The following CLDN10 variants were observed in gnomAD, a reference collection of about 807,000 sequenced individuals.
CLDN10 encodes claudin 10.
In CLDN10, 15 loss-of-function variants were observed where a neutral mutation model predicts 22.9. The observed-to-expected ratio is 0.65, with a 90% CI of 0.44 to 1.01. The LOEUF (loss-of-function observed/expected upper bound fraction) is 1.01. CLDN10 is among the 50% of genes least tolerant of loss of function. The probability of loss-of-function intolerance (pLI) is 0.00; values close to 1 mark genes in which losing one functional copy is unlikely to be tolerated. For missense variants in CLDN10, 247 were observed against 287.8 expected (o/e 0.86, Z 1.03); for synonymous variants, 114 against 111.4 (o/e 1.02, Z -0.15).
chr13:95,517,437 T>C (rs2043181462), intron 1 of CLDN10, among the ~76,000 whole-genome samples: 1 of 152,152 alleles, frequency 6.6e-6, no homozygotes, highest in Non-Finnish European at 1.5e-5. Context: ...GAATTAAATA[T>C]TAAAAGCTAA....
chr13:95,566,863 T>C (rs1003659520), intron 3 of CLDN10, among the ~76,000 whole-genome samples: 1 of 152,206 alleles, frequency 6.6e-6, no homozygotes, highest in Non-Finnish European at 1.5e-5. Context: ...CCCAGCATCA[T>C]TTATTAAATA....
intron 1 of CLDN10, among the ~76,000 whole-genome samples, chr13:95,520,408 T>C (rs912658366): frequency 6.6e-6 from 1 of 152,178 alleles, no homozygotes; most frequent in African/African-American, 2.4e-5. Context: ...AGTTTCACTC[T>C]TGTTGCCCAG....
In CLDN10 at chr13:95,463,285, A is replaced by AATATATATAT. The variant is rs200962205; in HGVS notation, c.214+29269_214+29278dup. Among the ~76,000 whole-genome samples the AATATATATAT allele has an allele frequency of 5.5e-3, 219 of 39,952 alleles. 2 individuals carry two copies. The highest frequency in any genetic ancestry group is 9.8e-3 in the African/African-American group (129 of 13,112). The allele number at this position is 39,952 out of a possible 152,430, so 26.2% of individuals were successfully genotyped here. On this transcript the variant is annotated intron_variant, in intron 1 of 4. Transcript: ENST00000376873. ...AGTTGAGTCAAAAGTGCAAATGCTT[A>AATATATATAT]ATATATATATATATATATATATATA...
intron 1 of CLDN10, among the ~76,000 whole-genome samples, chr13:95,491,130 T>C (rs2042868191): frequency 6.6e-6 from 1 of 152,212 alleles, no homozygotes; most frequent in African/African-American, 2.4e-5. Context: ...CCCTTTACTT[T>C]AAGTTTATGT....
intron 1 of CLDN10, among the ~76,000 whole-genome samples, chr13:95,546,754 C>T (rs772440855): frequency 6.6e-6 from 1 of 152,142 alleles, no homozygotes; most frequent in Non-Finnish European, 1.5e-5. Context: ...CCACTCCTTA[C>T]ACCTAGTCAT....
At chr13:95,498,139 A>G (rs2042947343) in intron 1 of CLDN10, among the ~76,000 whole-genome samples, 1 of 152,228 alleles carries the variant, frequency 6.6e-6, no homozygotes, top group Admixed American at 6.5e-5. Context: ...TCTGAAGGTC[A>G]GTGTGTGACC....
intron 1 of CLDN10, among the ~76,000 whole-genome samples, chr13:95,439,429 G>C (rs150719858): frequency 2.4e-4 from 36 of 151,620 alleles, no homozygotes; most frequent in Non-Finnish European, 4.9e-4. Context: ...CTGCCTCCCA[G>C]GTTAAGCGAT....
At chr13:95,540,369 G>A (rs1291730556) in intron 1 of CLDN10, among the ~76,000 whole-genome samples, 1 of 151,500 alleles carries the variant, frequency 6.6e-6, no homozygotes, top group African/African-American at 2.4e-5. Context: ...GCATGCGCCT[G>A]TAATCTCAGC....
chr13:95,536,333 C>T (rs1471090449), intron 1 of CLDN10, among the ~76,000 whole-genome samples: 1 of 152,120 alleles, frequency 6.6e-6, no homozygotes. Flanking sequence ...CCTGCAATCC[C>T]AGCTCCTCTG....
At chr13:95,522,463 A>G (rs2043233031) in intron 1 of CLDN10, among the ~76,000 whole-genome samples, 1 of 152,014 alleles carries the variant, frequency 6.6e-6, no homozygotes, top group South Asian at 2.1e-4. Flanking sequence ...CAGTCAGAAA[A>G]CATACTCTGA....
chr13:95,471,009 G>A (rs1003745746), intron 1 of CLDN10, among the ~76,000 whole-genome samples: 2 of 152,128 alleles, frequency 1.3e-5, no homozygotes, highest in African/African-American at 4.8e-5. Flanking sequence ...GGCTAGAGGG[G>A]GAAAGGAGAC....
intron 1 of CLDN10, among the ~76,000 whole-genome samples, chr13:95,434,532 T>C (rs201116164): frequency 1.0e-5 from 1 of 98,962 alleles, no homozygotes; most frequent in Non-Finnish European, 1.8e-5. Flanking sequence ...TATATATATA[T>C]GCACACGTGT....
intron 1 of CLDN10, among the ~76,000 whole-genome samples, chr13:95,540,333 TAA>T (rs2138622418): frequency 6.6e-6 from 1 of 150,430 alleles, no homozygotes; most frequent in African/African-American, 2.4e-5. Context: ...AATAAATAAA[TAA>T]ATAAATATTA....
At chr13:95,553,113 C>A (rs569809599) in intron 1 of CLDN10, 140 bp downstream of exon 1, 42 of 1,209,732 alleles carry the variant, frequency 3.5e-5, no homozygotes, top group African/African-American at 3.2e-4. Flanking sequence ...CCAACAGGGC[C>A]TTAGGGAGCC....
chr13:95,482,086 T>C (rs997823306), intron 1 of CLDN10, among the ~76,000 whole-genome samples: 2 of 152,140 alleles, frequency 1.3e-5, no homozygotes, highest in African/African-American at 4.8e-5. Context: ...TATAATTGGA[T>C]TGTTTGTAAC....
chr13:95,523,019 T>G (rs2138588005), intron 1 of CLDN10, among the ~76,000 whole-genome samples: 1 of 152,110 alleles, frequency 6.6e-6, no homozygotes, highest in South Asian at 2.1e-4. Flanking sequence ...TCTTTGCCCT[T>G]AGGAACATTT....
At chr13:95,566,576 G>T (rs560763311) in intron 3 of CLDN10, among the ~76,000 whole-genome samples, 1 of 152,272 alleles carries the variant, frequency 6.6e-6, no homozygotes, top group Non-Finnish European at 1.5e-5. Flanking sequence ...TAGGTTGCTT[G>T]TTCACTCTGA....
chr13:95,471,414 CATAT>C (rs200802586), intron 1 of CLDN10, among the ~76,000 whole-genome samples: 9 of 126,316 alleles, frequency 7.1e-5, no homozygotes, highest in Non-Finnish European at 1.0e-4. Context: ...TACACACACA[CATAT>C]ACACACACAC....
At chr13:95,474,943 A>G (rs17189693) in intron 1 of CLDN10, among the ~76,000 whole-genome samples, 13,743 of 152,106 alleles carry the variant, frequency 0.09, 910 homozygotes, top group South Asian at 0.25. Flanking sequence ...CCTGAGCCTA[A>G]TGGGATCTCA....
Sources: gnomAD v4.1 joint callset for allele counts (sites outside exome capture counted in the v4.1 genomes callset) on GRCh38, gnomAD v4.1.1 for gene constraint, MANE v1.5 for transcripts, NCBI Gene and HGNC (gene_info 2026-07-23, HGNC 2026-07-21) for gene names.